The following CSMD1 variants were observed in gnomAD, a reference collection of about 807,000 sequenced individuals.
CSMD1 encodes CUB and sushi domain-containing protein 1.
Under a neutral mutation model 417.5 loss-of-function variants are expected in CSMD1, and 213 were observed. That is an observed-to-expected ratio of 0.51 (90% CI 0.46 to 0.57). CSMD1 has a LOEUF of 0.57. Ranked by LOEUF, CSMD1 falls within the 20% of genes least tolerant of loss-of-function variation. CSMD1 has a pLI of 0.00. For missense variants in CSMD1, 6,923 were observed against 4,529.7 expected (o/e 1.53, Z -15.17); for synonymous variants, 2,862 against 1,736.8 (o/e 1.65, Z -16.11).
chr8:4,404,069 G>A (rs1251953781), intron 3 of CSMD1, among the ~76,000 whole-genome samples: 2 of 152,122 alleles, frequency 1.3e-5, no homozygotes, highest in African/African-American at 2.4e-5. Flanking sequence ...CTACGCCAGA[G>A]CTTTTTACGT....
chr8:3,727,998 G>A (rs778667312), intron 6 of CSMD1, among the ~76,000 whole-genome samples: 5 of 152,160 alleles, frequency 3.3e-5, no homozygotes, highest in African/African-American at 4.8e-5. Flanking sequence ...ATGCATGGTG[G>A]TGGAGGCTAC....
chr8:3,809,748 G>C (rs1427881330), intron 5 of CSMD1, among the ~76,000 whole-genome samples: 1 of 152,074 alleles, frequency 6.6e-6, no homozygotes, highest in African/African-American at 2.4e-5. Context: ...TCCTAAGAGG[G>C]GAGTTGAGAC....
intron 1 of CSMD1, among the ~76,000 whole-genome samples, chr8:4,701,868 T>A (rs1158320529): frequency 6.6e-6 from 1 of 152,190 alleles, no homozygotes; most frequent in African/African-American, 2.4e-5. Context: ...AACAGATGCA[T>A]CAATGATAGA....
At position 3,297,068 on chromosome 8, in the gene CSMD1, T is replaced by C. The variant is rs560614010; in HGVS notation, c.3950+10627A>G. ...GGATTCTGAAGTACCTGGTCACATA[T>C]GTTTGCCATTAAGCAGAAAGCATCC... On this transcript the variant is annotated intron_variant, in intron 25 of 69. Transcript: ENST00000635120. Among the ~76,000 whole-genome samples the C allele has an allele frequency of 7.9e-5, 12 of 152,310 alleles. No individual in the cohort carries two copies. The South Asian group carries it at 1.0e-3, about 13-fold the overall frequency.
intron 10 of CSMD1, among the ~76,000 whole-genome samples, chr8:3,528,599 G>A (rs1349300109): frequency 6.6e-6 from 1 of 152,132 alleles, no homozygotes; most frequent in Non-Finnish European, 1.5e-5. Flanking sequence ...CACACAATTT[G>A]AATTTCAAAA....
intron 3 of CSMD1, among the ~76,000 whole-genome samples, chr8:4,135,041 C>G (rs991746381): frequency 7.9e-5 from 12 of 152,082 alleles, no homozygotes; most frequent in African/African-American, 2.7e-4. Context: ...GGATAGACCC[C>G]TTTCTTAAAC....
At chr8:4,732,542 G>T (rs1809972267) in intron 1 of CSMD1, among the ~76,000 whole-genome samples, 1 of 152,042 alleles carries the variant, frequency 6.6e-6, no homozygotes, top group Non-Finnish European at 1.5e-5. Flanking sequence ...CAATGCAATT[G>T]AATTTTATTT....
intron 1 of CSMD1, among the ~76,000 whole-genome samples, chr8:4,679,434 C>T (rs1023668026): frequency 6.6e-6 from 1 of 152,096 alleles, no homozygotes; most frequent in African/African-American, 2.4e-5. Flanking sequence ...GTAATTCCGC[C>T]CTGTTTATTT....
chr8:3,893,345 A>ATATATATATATATATATATG lies in CSMD1; in HGVS notation c.818+104557_818+104558insCATATATATATATATATATA, dbSNP rs1554476833. Among the ~76,000 whole-genome samples the ATATATATATATATATATATG allele has an allele frequency of 4.6e-4, 58 of 127,294 alleles. 1 individual carries two copies. The highest frequency in any genetic ancestry group is 1.4e-3 in the African/African-American group (52 of 37,358). The allele number at this position is 127,294 out of a possible 152,430, so 83.5% of individuals were successfully genotyped here. On this transcript the variant is annotated intron_variant, in intron 5 of 69. Transcript: ENST00000635120. The stretch of plus-strand genomic sequence containing the variant: ...ACTAATAATATTCACAATTTTATAT[A>ATATATATATATATATATATG]TATATATATATATATATTATTTTTT...
intron 3 of CSMD1, among the ~76,000 whole-genome samples, chr8:4,061,461 GA>G (rs748253065): frequency 6.6e-6 from 1 of 152,164 alleles, no homozygotes; most frequent in Non-Finnish European, 1.5e-5. Context: ...AAATGGATAA[GA>G]AACCAAAGAG....
intron 26 of CSMD1, among the ~76,000 whole-genome samples, chr8:3,241,561 G>A (rs973573679): frequency 6.6e-6 from 1 of 152,158 alleles, no homozygotes; most frequent in African/African-American, 2.4e-5. Flanking sequence ...GGGAGTGGCT[G>A]CCAGGTGAGT....
chr8:4,439,881 A>G (rs1263928457), intron 2 of CSMD1, among the ~76,000 whole-genome samples: 1 of 152,166 alleles, frequency 6.6e-6, no homozygotes, highest in Non-Finnish European at 1.5e-5. Context: ...GAGATCCCAA[A>G]AGAGAATCAA....
intron 5 of CSMD1, among the ~76,000 whole-genome samples, chr8:3,852,223 G>A (rs1422476413): frequency 6.6e-6 from 1 of 152,158 alleles, no homozygotes; most frequent in Non-Finnish European, 1.5e-5. Flanking sequence ...GAATGGAGGC[G>A]CAGGAACATG....
At chr8:4,379,532 A>G (rs752189022) in intron 3 of CSMD1, among the ~76,000 whole-genome samples, 4 of 152,228 alleles carry the variant, frequency 2.6e-5, no homozygotes, top group Admixed American at 6.5e-5. Flanking sequence ...TGAAGTATAT[A>G]TAGGATGTCT....
At chr8:3,136,094 G>T (rs1818064604) in intron 41 of CSMD1, among the ~76,000 whole-genome samples, 1 of 151,938 alleles carries the variant, frequency 6.6e-6, no homozygotes, top group Non-Finnish European at 1.5e-5. Flanking sequence ...CTGGATCTTT[G>T]TCCCCCCCTC....
At chr8:4,023,753 A>ATTTTTTTTTTTTTT (rs760333220) in intron 4 of CSMD1, among the ~76,000 whole-genome samples, 1 of 50,100 alleles carries the variant, frequency 2.0e-5, no homozygotes, top group Non-Finnish European at 3.5e-5. Flanking sequence ...CGCTCGGCTA[A>ATTTTTTTTTTTTTT]TTTTTTTTTT....
intron 1 of CSMD1, among the ~76,000 whole-genome samples, chr8:4,980,519 G>A (rs1810830922): frequency 1.3e-5 from 2 of 152,206 alleles, no homozygotes. Context: ...CTTAGACTGA[G>A]CTCTGCCTTT....
intron 5 of CSMD1, among the ~76,000 whole-genome samples, chr8:3,776,931 T>C (rs938658078): frequency 1.3e-5 from 2 of 151,968 alleles, no homozygotes; most frequent in East Asian, 3.9e-4. Context: ...CCCAGCCTGG[T>C]CTCAACTCTT....
intron 3 of CSMD1, among the ~76,000 whole-genome samples, chr8:4,289,437 A>G (rs534368200): frequency 2.6e-5 from 4 of 151,846 alleles, no homozygotes; most frequent in Non-Finnish European, 5.9e-5. Context: ...TTTTTTGCAC[A>G]AACACTCTAA....
Sources: allele counts gnomAD v4.1 joint callset (sites outside exome capture counted in the v4.1 genomes callset), GRCh38; gene constraint gnomAD v4.1.1; transcripts MANE v1.5; gene names NCBI Gene and HGNC (gene_info 2026-07-23, HGNC 2026-07-21).